NFKB1: variants seen among roughly 807,000 people sequenced by gnomAD.
NFKB1 encodes nuclear factor kappa B subunit 1.
In NFKB1, 9 loss-of-function variants were observed where a neutral mutation model predicts 105.1. That is an observed-to-expected ratio of 0.09 (90% CI 0.05 to 0.15). The LOEUF (loss-of-function observed/expected upper bound fraction) is 0.15. NFKB1 is among the 10% of genes least tolerant of loss of function. NFKB1 has a pLI of 1.00. For missense variants in NFKB1, 830 were observed against 1,203.7 expected (o/e 0.69, Z 4.59); for synonymous variants, 440 against 442.2 (o/e 1.00, Z 0.06).
intron 5 of NFKB1, among the ~76,000 whole-genome samples, chr4:102,547,335 G>C (rs1170700130): frequency 5.3e-5 from 8 of 152,194 alleles, no homozygotes; most frequent in Non-Finnish European, 1.0e-4. Flanking sequence ...AGGAGTAAGA[G>C]GTGTCTAGTT....
At chr4:102,560,621 A>G (rs143997786) in intron 5 of NFKB1, among the ~76,000 whole-genome samples, 44 of 152,278 alleles carry the variant, frequency 2.9e-4, no homozygotes, top group African/African-American at 9.4e-4. Flanking sequence ...GATTTTTTTC[A>G]TGCCATCCCC....
At position 102,578,103 on chromosome 4, in the gene NFKB1, T is replaced by G. The variant is rs4648026; in HGVS notation, c.572-778T>G. On this transcript the variant is annotated intron_variant, in intron 7 of 23. Coordinates refer to ENST00000226574, the MANE Select transcript of NFKB1 (RefSeq NM_003998.4). ...CACCATGATTTCTCACTTTCCTGCC[T>G]TGGCACATTCTTTCTATTTTTGCTC... The G allele has an allele frequency of 9.8e-3, 4,697 of 477,176 alleles. 44 individuals carry two copies. The highest frequency in any genetic ancestry group is 0.044 in the African/African-American group (2,085 of 47,394). The allele number at this position is 477,176 out of a possible 1,614,324, so 29.6% of individuals were successfully genotyped here.
At chr4:102,581,747 G>T (rs1725335460) in intron 9 of NFKB1, among the ~76,000 whole-genome samples, 1 of 152,130 alleles carries the variant, frequency 6.6e-6, no homozygotes, top group South Asian at 2.1e-4. Flanking sequence ...AGATTCCTGG[G>T]TGTACATACT....
chr4:102,560,674 A>T (rs1188017200), intron 5 of NFKB1, among the ~76,000 whole-genome samples: 1 of 152,204 alleles, frequency 6.6e-6, no homozygotes, highest in Non-Finnish European at 1.5e-5. Context: ...AAGACTCATA[A>T]TGAATTCCAG....
intron 1 of NFKB1, among the ~76,000 whole-genome samples, chr4:102,513,162 C>A (rs1354449219): frequency 6.6e-6 from 1 of 152,154 alleles, no homozygotes; most frequent in Non-Finnish European, 1.5e-5. Flanking sequence ...GAACAAAGTC[C>A]AGTATGTCAA....
chr4:102,524,106 A>G (rs1399706784), intron 1 of NFKB1, among the ~76,000 whole-genome samples: 2 of 152,126 alleles, frequency 1.3e-5, no homozygotes, highest in Non-Finnish European at 2.9e-5. Flanking sequence ...CTCATTTTTC[A>G]TGTCACATAT....
At chr4:102,579,857 T>C (rs895916514) in intron 8 of NFKB1, among the ~76,000 whole-genome samples, 2 of 151,802 alleles carry the variant, frequency 1.3e-5, no homozygotes, top group East Asian at 1.9e-4. Flanking sequence ...AACTCTGTGC[T>C]CCAAGTACAA....
chr4:102,524,412 A>T (rs942196304), intron 1 of NFKB1, among the ~76,000 whole-genome samples: 1 of 152,236 alleles, frequency 6.6e-6, no homozygotes, highest in East Asian at 1.9e-4. Context: ...TTTCTGTACC[A>T]GCTTGACAAC....
At chr4:102,527,317 G>A (rs575543840) in intron 2 of NFKB1, among the ~76,000 whole-genome samples, 3 of 152,274 alleles carry the variant, frequency 2.0e-5, no homozygotes, top group African/African-American at 4.8e-5. Context: ...AGGACTTTCC[G>A]AAGGAAGTCT....
chr4:102,551,274 A>G (rs1346718257), intron 5 of NFKB1, among the ~76,000 whole-genome samples: 1 of 152,138 alleles, frequency 6.6e-6, no homozygotes, highest in East Asian at 1.9e-4. Flanking sequence ...AGATACAGAC[A>G]TGTGTGAGAG....
intron 4 of NFKB1, among the ~76,000 whole-genome samples, chr4:102,536,723 T>G (rs1741662383): frequency 6.6e-6 from 1 of 152,164 alleles, no homozygotes; most frequent in Admixed American, 6.6e-5. Flanking sequence ...GTGGGTGTGA[T>G]GAGCTGATGG....
At chr4:102,563,204 G>C (rs574080376) in intron 5 of NFKB1, among the ~76,000 whole-genome samples, 1 of 152,168 alleles carries the variant, frequency 6.6e-6, no homozygotes, top group South Asian at 2.1e-4. Context: ...AGCAGATCCA[G>C]CATGTGGTCA....
chr4:102,517,080 A>C (rs532192835), intron 1 of NFKB1, among the ~76,000 whole-genome samples: 1 of 152,168 alleles, frequency 6.6e-6, no homozygotes. Context: ...GTCCTACACT[A>C]TCACAGCTTG....
intron 11 of NFKB1, 66 bp downstream of exon 11, chr4:102,584,886 T>G: frequency 7.0e-7 from 1 of 1,434,840 alleles, no homozygotes; most frequent in Non-Finnish European, 9.4e-7. Flanking sequence ...TTTTGTTTTG[T>G]TTTGTTTTGT....
chr4:102,524,800 C>T (rs1006746700), intron 1 of NFKB1, among the ~76,000 whole-genome samples: 1 of 152,088 alleles, frequency 6.6e-6, no homozygotes, highest in African/African-American at 2.4e-5. Context: ...GCACAGTTCA[C>T]AATAGGGTTT....
intron 11 of NFKB1, among the ~76,000 whole-genome samples, chr4:102,589,913 C>T (rs746612604): frequency 2.0e-4 from 31 of 152,004 alleles, no homozygotes; most frequent in Non-Finnish European, 2.9e-4. Context: ...TAGGCAGTAA[C>T]GGAACTCAAA....
At chr4:102,525,652 T>C in intron 2 of NFKB1, 95 bp downstream of exon 2, 1 of 1,148,500 alleles carries the variant, frequency 8.7e-7, no homozygotes, top group Non-Finnish European at 1.2e-6. Flanking sequence ...TTAGGAAAAT[T>C]CTAAAATTAG....
intron 1 of NFKB1, among the ~76,000 whole-genome samples, chr4:102,523,541 C>T (rs1585213): frequency 0.37 from 56,414 of 151,940 alleles, 10,764 homozygotes; most frequent in Admixed American, 0.46. Flanking sequence ...ATATTCATTA[C>T]GGTGAGGGCT....
chr4:102,567,544 G>T (rs1723980479), intron 6 of NFKB1, among the ~76,000 whole-genome samples: 1 of 152,142 alleles, frequency 6.6e-6, no homozygotes, highest in Admixed American at 6.5e-5. Context: ...CATTCTTGAT[G>T]ATTTCTTCAG....
Sources: gnomAD v4.1 joint callset for allele counts (sites outside exome capture counted in the v4.1 genomes callset) on GRCh38, gnomAD v4.1.1 for gene constraint, MANE v1.5 for transcripts, NCBI Gene and HGNC (gene_info 2026-07-23, HGNC 2026-07-21) for gene names.